Variants in ERO1A observed in about 807,000 individuals in gnomAD.
The protein encoded by ERO1A is endoplasmic reticulum oxidoreductase 1 alpha.
ERO1A carries 49 observed loss-of-function variants against 76.9 expected under a neutral mutation model. That is an observed-to-expected ratio of 0.64 (90% CI 0.51 to 0.81). The LOEUF is 0.81. Ranked by LOEUF, ERO1A falls within the 30% of genes least tolerant of loss-of-function variation. ERO1A has a pLI of 0.00. For synonymous variants in ERO1A, 174 were observed against 181.2 expected (o/e 0.96, Z 0.32); for missense variants, 448 against 542.1 (o/e 0.83, Z 1.72).
chr14:52,653,563 T>C (rs571719441), intron 11 of ERO1A, among the ~76,000 whole-genome samples: 56 of 151,946 alleles, frequency 3.7e-4, no homozygotes, highest in African/African-American at 1.3e-3. Context: ...ATAATAAAAA[T>C]CATTCTTAAT....
chr14:52,674,273 G>A (rs1359933886), intron 4 of ERO1A, among the ~76,000 whole-genome samples: 1 of 152,110 alleles, frequency 6.6e-6, no homozygotes, highest in African/African-American at 2.4e-5. Flanking sequence ...ATAGGTCACT[G>A]TAACCTGGAC....
intron 15 of ERO1A, among the ~76,000 whole-genome samples, chr14:52,644,157 TTAAA>T: frequency 6.6e-6 from 1 of 151,782 alleles, no homozygotes. Context: ...TCAAATTCTT[TTAAA>T]TAAATAAAAT....
chr14:52,673,770 T>A (rs1294408394), intron 4 of ERO1A, among the ~76,000 whole-genome samples: 1 of 151,952 alleles, frequency 6.6e-6, no homozygotes, highest in Non-Finnish European at 1.5e-5. Context: ...CAGGATCTGG[T>A]TCTGTCACCC....
rs766900878 is a variant in ERO1A, at chr14:52,663,851, G to C, written c.630-4C>G. The C allele has an allele frequency of 2.0e-6, 3 of 1,517,774 alleles. No homozygotes were observed. The highest frequency in any genetic ancestry group is 2.7e-6 in the Non-Finnish European group (3 of 1,101,454). 94.0% of individuals were successfully genotyped at this position (1,517,774 alleles called of 1,614,324 possible). ...AGGTCTTTTAATTGTCTGTGGCCTA[G>C]AAGTAAAAAGAATTAAAAATATCAA... On this transcript the variant is annotated splice_region_variant and splice_polypyrimidine_tract_variant and intron_variant, in intron 7 of 15. Transcript: ENST00000395686.
At chr14:52,686,611 C>A (rs969298432) in intron 1 of ERO1A, among the ~76,000 whole-genome samples, 2 of 152,164 alleles carry the variant, frequency 1.3e-5, no homozygotes, top group Non-Finnish European at 2.9e-5. Flanking sequence ...GGCACAGTGG[C>A]TCACGCCTGT....
In ERO1A at chr14:52,658,793, G is replaced by T. The variant is rs540947946; in HGVS notation, c.689-643C>A. On this transcript the variant is annotated intron_variant, in intron 9 of 15. Coordinates refer to ENST00000395686, the MANE Select transcript of ERO1A (RefSeq NM_014584.3). ...ACATGGTAAAATAACATACAACTATGAAAATAGCAAGAATGTAGAACATGG... is the reference window on the plus strand; with the variant it reads ...ACATGGTAAAATAACATACAACTATTAAAATAGCAAGAATGTAGAACATGG... 1.4e-4 allele frequency among the ~76,000 whole-genome samples: 21 copies of T among 152,094 alleles called. 1 individual carries two copies. The South Asian group carries it at 4.4e-3, about 32-fold the overall frequency.
chr14:52,643,650 C>A lies in ERO1A; in HGVS notation c.1347-20G>T, dbSNP rs150277321. 1,119 of 1,313,260 alleles carry A rather than the reference C, an allele frequency of 8.5e-4. 9 individuals carry two copies. In the African/African-American group the frequency reaches 0.016, roughly 19 times the overall value. 81.4% of individuals were successfully genotyped at this position (1,313,260 alleles called of 1,614,324 possible). A position where few individuals can be genotyped will look rare whatever the true frequency, so the allele number is the denominator to read the frequency against. On this transcript the variant is annotated intron_variant, in intron 15 of 15. Transcript: ENST00000395686. ...GAAATTCTGTAACCAAAAAATATTT[C>A]ACTCAGAAACCATCTTAGATAAATT...
intron 4 of ERO1A, among the ~76,000 whole-genome samples, chr14:52,672,614 A>C (rs972712249): frequency 1.3e-5 from 2 of 151,878 alleles, no homozygotes; most frequent in African/African-American, 4.8e-5. Flanking sequence ...ACAAAAAAAA[A>C]TTTTAATTAG....
intron 6 of ERO1A, among the ~76,000 whole-genome samples, chr14:52,669,556 T>C (rs2040527942): frequency 6.6e-6 from 1 of 152,186 alleles, no homozygotes; most frequent in Admixed American, 6.5e-5. Context: ...TGGAATGAAC[T>C]TTCCAGATTT....
At chr14:52,646,669 T>C in intron 13 of ERO1A, 1 of 443,082 alleles carries the variant, frequency 2.3e-6, no homozygotes, top group Non-Finnish European at 4.0e-6. Context: ...AGGTAGTTAT[T>C]ATTATAATCT....
intron 6 of ERO1A, among the ~76,000 whole-genome samples, chr14:52,667,004 T>C (rs1230325342): frequency 1.3e-5 from 2 of 152,132 alleles, no homozygotes; most frequent in African/African-American, 4.8e-5. Context: ...ACAAAAACAT[T>C]ATGATTTAGG....
intron 15 of ERO1A, among the ~76,000 whole-genome samples, chr14:52,645,616 G>A (rs2039622869): frequency 6.6e-6 from 1 of 151,832 alleles, no homozygotes; most frequent in African/African-American, 2.4e-5. Context: ...GTCAATAGAG[G>A]AAAATAAAGA....
Position 52,695,529 on chromosome 14 carries a change from C to T in ERO1A, c.-48G>A. On this transcript the variant is annotated 5_prime_UTR_variant, in exon 1 of 16. It adds an upstream start codon to the 5' untranslated region. Transcript: ENST00000395686. ...CCCACGCTTGGGAGGCCAGTCCGCA[C>T]GCTCGGTCGCGGGCCGTGCGCCCTC... 1.5e-6 allele frequency: 2 copies of T among 1,361,574 alleles called. No homozygotes were observed. The highest frequency in any genetic ancestry group is 2.9e-5 in the South Asian group (2 of 68,782). The allele number at this position is 1,361,574 out of a possible 1,614,324, so 84.3% of individuals were successfully genotyped here.
intron 1 of ERO1A, among the ~76,000 whole-genome samples, chr14:52,687,175 C>G (rs569819110): frequency 6.6e-6 from 1 of 152,284 alleles, no homozygotes; most frequent in Admixed American, 6.5e-5. Flanking sequence ...TGCCTGTAAT[C>G]AGCACTTTGG....
At position 52,676,595 on chromosome 14, in the gene ERO1A, T is replaced by C. The variant is rs898715070; in HGVS notation, c.357+1839A>G. On this transcript the variant is annotated intron_variant, in intron 4 of 15. Coordinates refer to ENST00000395686, the MANE Select transcript of ERO1A (RefSeq NM_014584.3). ...ATTTTTCAGCAAGCACCTAGTATAC[T>C]GTGCTTGAGACAAAGATTTAGTTTC... Among the ~76,000 whole-genome samples, 6 of 152,222 alleles carry C rather than the reference T, an allele frequency of 3.9e-5. No individual in the cohort carries two copies. The East Asian group carries it at 1.2e-3, about 29-fold the overall frequency.
chr14:52,654,610 C>T (rs1944707605), intron 11 of ERO1A, among the ~76,000 whole-genome samples: 1 of 152,088 alleles, frequency 6.6e-6, no homozygotes, highest in African/African-American at 2.4e-5. Flanking sequence ...AATATTCCTG[C>T]TACAGTTAGT....
chr14:52,652,960 A>C (rs1191313913), intron 12 of ERO1A, 109 bp downstream of exon 12: 1 of 730,628 alleles, frequency 1.4e-6, no homozygotes, highest in African/African-American at 1.8e-5. Context: ...GTGCCACTGC[A>C]CTCCAGCCTG....
chr14:52,650,969 A>T (rs2039842677), intron 13 of ERO1A, among the ~76,000 whole-genome samples: 1 of 152,130 alleles, frequency 6.6e-6, no homozygotes, highest in South Asian at 2.1e-4. Context: ...TTTAATTCCC[A>T]GTGAATAAGA....
intron 7 of ERO1A, 140 bp from the exon 8 acceptor site, chr14:52,663,987 A>C: frequency 2.0e-6 from 1 of 512,354 alleles, no homozygotes; most frequent in Non-Finnish European, 3.5e-6. Flanking sequence ...AGTTTCCTCT[A>C]ATTGCTTTAA....
Sources: gnomAD v4.1 joint callset for allele counts (sites outside exome capture counted in the v4.1 genomes callset) on GRCh38, gnomAD v4.1.1 for gene constraint, MANE v1.5 for transcripts, NCBI Gene and HGNC (gene_info 2026-07-23, HGNC 2026-07-21) for gene names.